MACROD2: variants seen among roughly 807,000 people sequenced by gnomAD.
The protein encoded by MACROD2 is ADP-ribose glycohydrolase MACROD2.
Under a neutral mutation model 70.4 loss-of-function variants are expected in MACROD2, and 36 were observed. The ratio of observed to expected loss-of-function variants is 0.51; its 90% CI spans 0.39 to 0.68. The LOEUF is 0.68. MACROD2 is among the 30% of genes least tolerant of loss of function. MACROD2 has a pLI of 0.00. For missense variants in MACROD2, 496 were observed against 538.4 expected (o/e 0.92, Z 0.78); for synonymous variants, 172 against 178.8 (o/e 0.96, Z 0.30).
intron 8 of MACROD2, among the ~76,000 whole-genome samples, chr20:15,640,613 C>T (rs1255619873): frequency 6.6e-6 from 1 of 152,194 alleles, no homozygotes; most frequent in Non-Finnish European, 1.5e-5. Context: ...TTTTATCATC[C>T]CTTCACTCTT....
chr20:14,882,875 AT>A (rs1325060255), intron 5 of MACROD2, among the ~76,000 whole-genome samples: 1 of 152,190 alleles, frequency 6.6e-6, no homozygotes, highest in Non-Finnish European at 1.5e-5. Flanking sequence ...TGTAGACCTT[AT>A]GTAACAGATG....
chr20:14,444,525 T>C (rs1044535612), intron 3 of MACROD2, among the ~76,000 whole-genome samples: 5 of 152,080 alleles, frequency 3.3e-5, no homozygotes, highest in Admixed American at 6.6e-5. Flanking sequence ...TCTTTAGGGC[T>C]CTTTTCTGAC....
At chr20:14,987,986 G>A (rs1250518969) in intron 5 of MACROD2, among the ~76,000 whole-genome samples, 1 of 152,126 alleles carries the variant, frequency 6.6e-6, no homozygotes, top group Non-Finnish European at 1.5e-5. Flanking sequence ...CTGTTTTCAG[G>A]AAGTGGCTTC....
chr20:14,068,007 T>G (rs750951011), intron 2 of MACROD2, among the ~76,000 whole-genome samples: 1 of 152,198 alleles, frequency 6.6e-6, no homozygotes, highest in Non-Finnish European at 1.5e-5. Context: ...ACAGGACATA[T>G]AGATCTATAA....
intron 6 of MACROD2, among the ~76,000 whole-genome samples, chr20:15,305,590 G>A (rs1181164056): frequency 6.6e-6 from 1 of 151,972 alleles, no homozygotes; most frequent in Non-Finnish European, 1.5e-5. Flanking sequence ...GGTCCACCAG[G>A]TCTGACAATT....
Position 14,552,259 on chromosome 20 carries a change from G to A in MACROD2, c.301+58751G>A, listed in dbSNP as rs1309219801. Among the ~76,000 whole-genome samples, 5 of 115,406 alleles carry A rather than the reference G, an allele frequency of 4.3e-5. 1 individual carries two copies. Among genetic ancestry groups the A allele is most frequent in the Non-Finnish European group, 8.3e-5 (5 of 60,168 alleles). 75.7% of individuals were successfully genotyped at this position (115,406 alleles called of 152,430 possible). On this transcript the variant is annotated intron_variant, in intron 4 of 17. Coordinates refer to ENST00000684519, the MANE Select transcript of MACROD2 (RefSeq NM_001351661.2). ...TTTAAATGACCCTTTGAGTTATCTC[G>A]TATGCTACCTGTTTTTATCTTTATA...
intron 6 of MACROD2, among the ~76,000 whole-genome samples, chr20:15,320,152 C>T (rs1158750954): frequency 1.3e-5 from 2 of 151,922 alleles, no homozygotes; most frequent in Non-Finnish European, 1.5e-5. Flanking sequence ...TGCGGTGAGC[C>T]AAGATTTTGC....
Position 15,080,689 on chromosome 20 carries a change from C to T in MACROD2, c.419-149251C>T, listed in dbSNP as rs866991988. The stretch of plus-strand genomic sequence containing the variant: ...CCTGTGTTCCAGACTCATTCATGCA[C>T]TTGTCTGTTTAGTGTTTTTGCCTGG... On this transcript the variant is annotated intron_variant, in intron 5 of 17. Transcript: ENST00000684519. 2.6e-5 allele frequency among the ~76,000 whole-genome samples: 4 copies of T among 152,090 alleles called. No individual in the cohort carries two copies. In the South Asian group the frequency reaches 8.3e-4, roughly 32 times the overall value.
Position 14,872,914 on chromosome 20 carries a change from A to G in MACROD2, c.418+187955A>G, listed in dbSNP as rs139947590. Among the ~76,000 whole-genome samples the G allele has an allele frequency of 5.7e-3, 863 of 152,220 alleles. 3 individuals are homozygous for G. The highest frequency in any genetic ancestry group is 8.7e-3 in the Non-Finnish European group (593 of 68,006). ...TTCTTTACAAGGCAGCAGGAAGGAG[A>G]ATGAATGCAGGAGGAACTACCAAAC... On this transcript the variant is annotated intron_variant, in intron 5 of 17. Transcript: ENST00000684519.
chr20:14,692,874 C>T (rs530992555), intron 5 of MACROD2, among the ~76,000 whole-genome samples: 1 of 152,214 alleles, frequency 6.6e-6, no homozygotes, highest in South Asian at 2.1e-4. Flanking sequence ...AGTCCACCCC[C>T]AAATGGCTTT....
intron 3 of MACROD2, among the ~76,000 whole-genome samples, chr20:14,408,178 A>G (rs1047463890): frequency 6.6e-6 from 1 of 152,192 alleles, no homozygotes; most frequent in Admixed American, 6.6e-5. Flanking sequence ...TGCATGAATC[A>G]TATTAAGATT....
intron 15 of MACROD2, among the ~76,000 whole-genome samples, chr20:16,006,579 C>G (rs553757843): frequency 6.6e-6 from 1 of 152,090 alleles, no homozygotes; most frequent in Non-Finnish European, 1.5e-5. Flanking sequence ...TGTTTTGAGA[C>G]CAAATTAAAC....
chr20:14,152,879 T>C (rs562599780), intron 3 of MACROD2, among the ~76,000 whole-genome samples: 1 of 152,386 alleles, frequency 6.6e-6, no homozygotes, highest in East Asian at 1.9e-4. Context: ...CATTTTTACC[T>C]ATCGTTAAGC....
intron 5 of MACROD2, among the ~76,000 whole-genome samples, chr20:14,971,668 A>G (rs1269792273): frequency 6.6e-6 from 1 of 152,026 alleles, no homozygotes; most frequent in Non-Finnish European, 1.5e-5. Context: ...GAGTCATCTG[A>G]AGACTCAACC....
chr20:14,244,392 A>G (rs927111638), intron 3 of MACROD2, among the ~76,000 whole-genome samples: 1 of 152,216 alleles, frequency 6.6e-6, no homozygotes, highest in African/African-American at 2.4e-5. Context: ...ATGCTAAAAA[A>G]AAAAACCCAT....
At chr20:15,934,840 G>A (rs2147323882) in intron 11 of MACROD2, among the ~76,000 whole-genome samples, 1 of 152,164 alleles carries the variant, frequency 6.6e-6, no homozygotes, top group African/African-American at 2.4e-5. Context: ...TGGGACTACA[G>A]GCACGCACCA....
chr20:15,943,748 A>G (rs1055031546), intron 12 of MACROD2, among the ~76,000 whole-genome samples: 4 of 152,142 alleles, frequency 2.6e-5, no homozygotes, highest in Admixed American at 1.3e-4. Flanking sequence ...CGCCGTACCT[A>G]ATACCTACAT....
intron 6 of MACROD2, among the ~76,000 whole-genome samples, chr20:15,418,113 G>A (rs2046180273): frequency 6.6e-6 from 1 of 152,130 alleles, no homozygotes; most frequent in South Asian, 2.1e-4. Flanking sequence ...TGACTCTGGG[G>A]AGGTTACTCA....
intron 3 of MACROD2, among the ~76,000 whole-genome samples, chr20:14,117,241 G>A (rs1437687551): frequency 6.6e-6 from 1 of 152,036 alleles, no homozygotes; most frequent in Non-Finnish European, 1.5e-5. Context: ...AATTTCTGTT[G>A]ACTCTTATGA....
Sources: gnomAD v4.1 joint callset for allele counts (sites outside exome capture counted in the v4.1 genomes callset) on GRCh38, gnomAD v4.1.1 for gene constraint, MANE v1.5 for transcripts, NCBI Gene and HGNC (gene_info 2026-07-23, HGNC 2026-07-21) for gene names.